Variants in KIR3DL1 observed in about 807,000 individuals in gnomAD.
KIR3DL1 encodes killer cell immunoglobulin like receptor, three Ig domains and long cytoplasmic tail 1, also known as killer cell immunoglobulin-like receptor 3DL1.
Under a neutral mutation model 40.3 loss-of-function variants are expected in KIR3DL1, and 50 were observed. The ratio of observed to expected loss-of-function variants is 1.24; its 90% CI spans 0.99 to 1.57. KIR3DL1 has a LOEUF of 1.57. Ranked by LOEUF, KIR3DL1 falls within the 40% of genes most tolerant of loss-of-function variation. The pLI is 0.00. For missense variants in KIR3DL1, 661 were observed against 559.9 expected (o/e 1.18, Z -1.82); for synonymous variants, 257 against 207.2 (o/e 1.24, Z -2.07).
intron 5 of KIR3DL1, among the ~76,000 whole-genome samples, chr19:54,823,627 A>G (rs1265978977): frequency 2.0e-5 from 3 of 151,298 alleles, no homozygotes; most frequent in Non-Finnish European, 4.4e-5. Flanking sequence ...CCTCCAAAGT[A>G]GCTGGGATTA....
chr19:54,819,216 C>T (rs2061508453), intron 3 of KIR3DL1, among the ~76,000 whole-genome samples: 1 of 137,964 alleles, frequency 7.2e-6, no homozygotes, highest in South Asian at 2.5e-4. Context: ...TAATTTTCTG[C>T]AGCAGCAACA....
intron 3 of KIR3DL1, 98 bp downstream of exon 3, chr19:54,818,697 A>C (rs77109618): frequency 1.7e-5 from 25 of 1,481,392 alleles, no homozygotes; most frequent in Non-Finnish European, 2.3e-5. Context: ...CCAGGCCCTG[A>C]CTGTATTTGG....
chr19:54,827,166 G>C (rs1397850785), intron 6 of KIR3DL1, among the ~76,000 whole-genome samples: 2 of 151,350 alleles, frequency 1.3e-5, no homozygotes, highest in South Asian at 2.1e-4. Context: ...TGCTGGGTTT[G>C]AGTTTCCTAG....
At chr19:54,821,652 G>C (rs1384371771) in exon 5 of KIR3DL1, 4 of 1,609,778 alleles carry the variant, frequency 2.5e-6, no homozygotes, top group African/African-American at 1.3e-5. Context: ...AGCTCCCGGA[G>C]CTCCTATGAC....
exon 5 of KIR3DL1, chr19:54,821,592 C>G (rs201869509): frequency 1.2e-6 from 2 of 1,607,736 alleles, no homozygotes; most frequent in Non-Finnish European, 1.7e-6. Flanking sequence ...TCTCTCTCAG[C>G]CCAGCCGGGC....
intron 4 of KIR3DL1, among the ~76,000 whole-genome samples, chr19:54,821,115 A>G (rs2061609798): frequency 6.6e-6 from 1 of 150,404 alleles, no homozygotes. Flanking sequence ...ACATATATAG[A>G]TAATAGATGA....
intron 5 of KIR3DL1, among the ~76,000 whole-genome samples, chr19:54,822,584 T>C (rs375300320): frequency 2.0e-5 from 3 of 150,178 alleles, no homozygotes. Flanking sequence ...GCCGAGATCA[T>C]GCCACTGCAC....
At chr19:54,816,688 G>GAGTGGAGATCTGGGCCTGA in intron 1 of KIR3DL1, among the ~76,000 whole-genome samples, 154 bp downstream of exon 1, 2 of 144,318 alleles carry the variant, frequency 1.4e-5, no homozygotes, top group Non-Finnish European at 3.0e-5. Flanking sequence ...TCTGGGCCTG[G>GAGTGGAGATCTGGGCCTGA]AGTGGAGATA....
chr19:54,819,718 C>T, exon 4 of KIR3DL1: 1 of 1,607,698 alleles, frequency 6.2e-7, no homozygotes, highest in Non-Finnish European at 8.5e-7. Flanking sequence ...TCTAGGAAAC[C>T]ACAGAAAACC....
At chr19:54,822,168 T>C (rs2061672931) in intron 5 of KIR3DL1, among the ~76,000 whole-genome samples, 1 of 151,110 alleles carries the variant, frequency 6.6e-6, no homozygotes, top group Non-Finnish European at 1.5e-5. Context: ...ATCTTATCCA[T>C]TTCCCAGAAG....
chr19:54,820,079 C>T (rs1255031917), intron 4 of KIR3DL1, 67 bp downstream of exon 4: 2 of 1,519,262 alleles, frequency 1.3e-6, no homozygotes. Context: ...GGACTTGGAA[C>T]CCCCAGGTGG....
chr19:54,818,516 G>T (rs2061468901), exon 3 of KIR3DL1: 1 of 1,611,392 alleles, frequency 6.2e-7, no homozygotes. Context: ...GCACATGCAG[G>T]GAACTACACA....
At position 54,820,648 on chromosome 19, in the gene KIR3DL1, A is replaced by T. The variant is rs1461517071; in HGVS notation, c.655+636A>T. 3.3e-5 allele frequency among the ~76,000 whole-genome samples: 5 copies of T among 151,476 alleles called. 1 individual carries two copies. The highest frequency in any genetic ancestry group is 1.2e-4 in the African/African-American group (5 of 41,072). On this transcript the variant is annotated intron_variant, in intron 4 of 8. Transcript: ENST00000391728. The stretch of plus-strand genomic sequence containing the variant: ...CAGAGAAAAATCAGGGACACCAAAA[A>T]GCAAAGACATAAACACACACAAAAT...
intron 5 of KIR3DL1, 140 bp downstream of exon 5, chr19:54,821,998 T>A: frequency 9.4e-7 from 1 of 1,066,510 alleles, no homozygotes; most frequent in Non-Finnish European, 1.4e-6. Flanking sequence ...GGGCGCAGGA[T>A]GGCAGACAGG....
At chr19:54,829,305 T>A (rs1321751694) in intron 6 of KIR3DL1, 56 bp from the exon 7 acceptor site, 6 of 1,320,788 alleles carry the variant, frequency 4.5e-6, no homozygotes, top group African/African-American at 1.4e-5. Context: ...TGCAAGACAA[T>A]TCATATAGAG....
At chr19:54,830,300 G>GT (rs1556622616) in exon 9 of KIR3DL1, 1 of 1,489,934 alleles carries the variant, frequency 6.7e-7, no homozygotes, top group Non-Finnish European at 9.1e-7. Flanking sequence ...CCTTGAGGAC[G>GT]TCTTCTAGGG....
intron 6 of KIR3DL1, among the ~76,000 whole-genome samples, chr19:54,826,957 T>G (rs1278933829): frequency 6.6e-6 from 1 of 150,590 alleles, no homozygotes; most frequent in Admixed American, 6.6e-5. Flanking sequence ...CACCTCGGGG[T>G]AGCCAGGAAT....
intron 4 of KIR3DL1, among the ~76,000 whole-genome samples, chr19:54,821,081 G>T (rs1014169736): frequency 2.0e-5 from 3 of 149,916 alleles, no homozygotes; most frequent in African/African-American, 7.4e-5. Flanking sequence ...AGACAGAGAG[G>T]TAATAGAGAG....
chr19:54,824,779 TG>T (rs2061800832), intron 5 of KIR3DL1, among the ~76,000 whole-genome samples: 1 of 150,058 alleles, frequency 6.7e-6, no homozygotes, highest in Admixed American at 6.6e-5. Context: ...AATGTCATGC[TG>T]TTTTGCTTAC....
Sources: gnomAD v4.1 joint callset for allele counts (sites outside exome capture counted in the v4.1 genomes callset) on GRCh38, gnomAD v4.1.1 for gene constraint, MANE v1.5 for transcripts, NCBI Gene and HGNC (gene_info 2026-07-23, HGNC 2026-07-21) for gene names.